AFF1: variants seen among roughly 807,000 people sequenced by gnomAD.
AFF1 encodes the protein ALF transcription elongation factor 1, also known as AF4/FMR2 family member 1.
A neutral mutation model predicts 121.7 loss-of-function variants in AFF1; 48 were observed. That is an observed-to-expected ratio of 0.39 (90% CI 0.31 to 0.50). The LOEUF is 0.50. Ranked by LOEUF, AFF1 falls within the 20% of genes least tolerant of loss-of-function variation. The probability of loss-of-function intolerance (pLI) is 0.76; values close to 1 mark genes in which losing one functional copy is unlikely to be tolerated. For missense variants in AFF1, 1,523 were observed against 1,511.7 expected (o/e 1.01, Z -0.12); for synonymous variants, 613 against 563.0 (o/e 1.09, Z -1.26).
rs752465394 is a variant in AFF1 at position 87,090,028 on chromosome 4, G to A, written c.1149G>A (p.Thr383=). The change falls in exon 6 of 21, where the codon ACG becomes ACA. Residue 383 remains threonine (T), a synonymous_variant. Coordinates refer to ENST00000395146, the MANE Select transcript of AFF1 (RefSeq NM_001166693.3). ...CGCCTCCTTTGACAGCAATACATAC[G>A]CCTAGTACAGCTGAGCCATCCAAGT... ...SWPPPLTAIH[T]PSTAEPSKFP... is the part of the protein sequence containing the mutation. 7.4e-6 allele frequency: 12 copies of A among 1,613,618 alleles called. No individual in the cohort carries two copies. Among genetic ancestry groups the A allele is most frequent in the Non-Finnish European group, 8.5e-6 (10 of 1,179,928 alleles).
intron 4 of AFF1, among the ~76,000 whole-genome samples, chr4:87,067,908 C>G (rs1163656980): frequency 1.3e-5 from 2 of 152,114 alleles, no homozygotes; most frequent in Non-Finnish European, 1.5e-5. Context: ...TTTTATTTCT[C>G]TATCAGTGTG....
rs191442413 is a variant in AFF1 at position 87,057,865 on chromosome 4, G to A, written c.1059+10271G>A. On this transcript the variant is annotated intron_variant, in intron 4 of 20. Transcript: ENST00000395146. The stretch of plus-strand genomic sequence containing the variant: ...AGCTTTTAAGAATGGGTTTGCCATG[G>A]TGTTAAACCCCCACCGCTGTCTTCA... 1.5e-3 allele frequency among the ~76,000 whole-genome samples: 226 copies of A among 152,222 alleles called. 1 individual carries two copies. Among genetic ancestry groups the A allele is most frequent in the Admixed American group, 0.013 (204 of 15,290 alleles).
chr4:86,992,085 A>T (rs1724774972), intron 2 of AFF1, among the ~76,000 whole-genome samples: 1 of 152,190 alleles, frequency 6.6e-6, no homozygotes, highest in Non-Finnish European at 1.5e-5. Flanking sequence ...GCTTGTAAAA[A>T]GTCATAGGAT....
Position 87,001,820 on chromosome 4 carries a change from C to T in AFF1, c.39-44346C>T, listed in dbSNP as rs938245149. 2.0e-5 allele frequency among the ~76,000 whole-genome samples: 3 copies of T among 152,156 alleles called. No homozygotes were observed. In the South Asian group the frequency reaches 6.2e-4, roughly 32 times the overall value. On this transcript the variant is annotated intron_variant, in intron 2 of 20. Coordinates refer to ENST00000395146, the MANE Select transcript of AFF1 (RefSeq NM_001166693.3). Reference sequence around the variant, plus strand: ...GGTAATGCCTGTTTTTATTCTCCTCCATTATCTCCTCCCTCTTCCTGTGTC... The same window carrying T: ...GGTAATGCCTGTTTTTATTCTCCTCTATTATCTCCTCCCTCTTCCTGTGTC...
At chr4:87,088,050 A>C (rs1723915222) in intron 5 of AFF1, among the ~76,000 whole-genome samples, 1 of 152,258 alleles carries the variant, frequency 6.6e-6, no homozygotes, top group Non-Finnish European at 1.5e-5. Flanking sequence ...AGTACGGTAC[A>C]TAAAGTACTC....
At chr4:86,978,177 C>CTTTATTTT (rs1723451946) in intron 2 of AFF1, among the ~76,000 whole-genome samples, 2 of 39,324 alleles carry the variant, frequency 5.1e-5, no homozygotes, top group Non-Finnish European at 9.1e-5. Flanking sequence ...ATTACATTCA[C>CTTTATTTT]TTTTTTTTTT....
chr4:86,976,848 G>T (rs966739018), intron 2 of AFF1, among the ~76,000 whole-genome samples: 3 of 152,236 alleles, frequency 2.0e-5, no homozygotes, highest in African/African-American at 4.8e-5. Flanking sequence ...CTAGGGCAAG[G>T]TTTGTAACTC....
At chr4:87,021,476 T>C (rs1252632723) in intron 2 of AFF1, among the ~76,000 whole-genome samples, 2 of 152,240 alleles carry the variant, frequency 1.3e-5, no homozygotes, top group African/African-American at 2.4e-5. Context: ...CATATTTCTA[T>C]AGGTGATTTA....
intron 8 of AFF1, among the ~76,000 whole-genome samples, chr4:87,100,209 G>T (rs978146046): frequency 2.0e-5 from 3 of 152,118 alleles, no homozygotes; most frequent in Admixed American, 6.5e-5. Flanking sequence ...CTTAAGGGTA[G>T]TTAGTGTATT....
chr4:87,081,327 A>G (rs1723157058), intron 4 of AFF1, among the ~76,000 whole-genome samples: 2 of 151,606 alleles, frequency 1.3e-5, no homozygotes, highest in Admixed American at 1.3e-4. Flanking sequence ...ACGCCTGGCT[A>G]ATTTTTTGTA....
intron 1 of AFF1, among the ~76,000 whole-genome samples, chr4:86,939,341 A>G (rs951039424): frequency 1.3e-5 from 2 of 152,188 alleles, no homozygotes; most frequent in Non-Finnish European, 2.9e-5. Flanking sequence ...TGTGTTGGCT[A>G]TGTTGATGTG....
At chr4:87,039,691 C>T (rs1729914293) in intron 2 of AFF1, among the ~76,000 whole-genome samples, 2 of 152,094 alleles carry the variant, frequency 1.3e-5, no homozygotes. Context: ...TTTGATACAT[C>T]AGGTTGAACC....
intron 2 of AFF1, among the ~76,000 whole-genome samples, chr4:86,975,277 G>T (rs772181900): frequency 6.6e-6 from 1 of 151,786 alleles, no homozygotes; most frequent in African/African-American, 2.4e-5. Flanking sequence ...TTGAGATAGC[G>T]TCTCACTCTG....
intron 4 of AFF1, among the ~76,000 whole-genome samples, chr4:87,060,516 C>T (rs566732681): frequency 9.9e-5 from 15 of 152,212 alleles, no homozygotes; most frequent in African/African-American, 2.9e-4. Context: ...TAGACCACAA[C>T]GGTATCATTA....
chr4:87,047,568 C>T lies in AFF1; in HGVS notation c.1033C>T (p.Leu345=). 6.2e-7 allele frequency: 1 copy of T among 1,614,172 alleles called. No homozygotes were observed. Among genetic ancestry groups the T allele is most frequent in the South Asian group, 1.1e-5 (1 of 91,080 alleles). The change falls in exon 4 of 21, where the codon CTG becomes TTG. Residue 345 remains leucine, a synonymous_variant. Coordinates refer to ENST00000395146, the MANE Select transcript of AFF1 (RefSeq NM_001166693.3). The stretch of plus-strand genomic sequence containing the variant: ...GCCTGCCAAAGCCAAGCTCACCAAA[C>T]TGAAGATGCCTTCTCAGTCAGTTGA... ...KVPAKAKLTK[L]KMPSQSVEQT... is the part of the protein sequence containing the mutation.
intron 2 of AFF1, among the ~76,000 whole-genome samples, chr4:87,039,223 C>G (rs1027747384): frequency 6.6e-6 from 1 of 152,200 alleles, no homozygotes; most frequent in Admixed American, 6.5e-5. Flanking sequence ...AGGAATCACT[C>G]TCACTAATCC....
At chr4:87,002,818 G>T (rs1261155528) in intron 2 of AFF1, among the ~76,000 whole-genome samples, 1 of 152,150 alleles carries the variant, frequency 6.6e-6, no homozygotes, top group Non-Finnish European at 1.5e-5. Context: ...GGAGCCTCAC[G>T]TGCTTCCTAA....
At chr4:87,085,201 A>G (rs1351667454) in intron 5 of AFF1, among the ~76,000 whole-genome samples, 1 of 152,214 alleles carries the variant, frequency 6.6e-6, no homozygotes, top group Non-Finnish European at 1.5e-5. Context: ...AAAAATGTTA[A>G]CTTTCCTCAT....
chr4:87,033,841 A>T (rs1223637836), intron 2 of AFF1, among the ~76,000 whole-genome samples: 1 of 152,144 alleles, frequency 6.6e-6, no homozygotes. Context: ...TTCAAAATTT[A>T]TTTAAAAAAA....
Sources: allele counts gnomAD v4.1 joint callset (sites outside exome capture counted in the v4.1 genomes callset), GRCh38; gene constraint gnomAD v4.1.1; transcripts MANE v1.5; gene names NCBI Gene and HGNC (gene_info 2026-07-23, HGNC 2026-07-21).